SLC16A10: variants seen among roughly 807,000 people sequenced by gnomAD.
The protein encoded by SLC16A10 is monocarboxylate transporter 10.
SLC16A10 carries 27 observed loss-of-function variants against 40.0 expected under a neutral mutation model. The ratio of observed to expected loss-of-function variants is 0.67; its 90% CI spans 0.50 to 0.93. The LOEUF (loss-of-function observed/expected upper bound fraction) is 0.93, where lower values mean the gene tolerates loss of function less well. SLC16A10 is among the 40% of genes least tolerant of loss of function. The probability of loss-of-function intolerance (pLI) is 0.00; values close to 1 mark genes in which losing one functional copy is unlikely to be tolerated. For missense variants in SLC16A10, 529 were observed against 658.2 expected, an observed-to-expected ratio of 0.80 and a Z score of 2.15; for synonymous variants, 213 against 249.8, an observed-to-expected ratio of 0.85 and a Z score of 1.39.
chr6:111,137,806 A>G (rs1198755510), intron 1 of SLC16A10, among the ~76,000 whole-genome samples: 4 of 152,220 alleles, frequency 2.6e-5, no homozygotes, highest in Non-Finnish European at 5.9e-5. Context: ...CCTAGCTGGG[A>G]AGGTGACTGC....
At position 111,111,385 on chromosome 6, in the gene SLC16A10, T is replaced by C. The variant is rs112753667; in HGVS notation, c.343+23290T>C. Among the ~76,000 whole-genome samples the C allele has an allele frequency of 2.5e-3, 386 of 152,298 alleles. 3 individuals carry two copies. The highest frequency in any genetic ancestry group is 8.8e-3 in the African/African-American group (364 of 41,578). Reference sequence around the variant, plus strand: ...CCTCACACAGTTATCATTTTTGTGGTGAGAACATTTTAACATCCACTCTCT... The same window carrying C: ...CCTCACACAGTTATCATTTTTGTGGCGAGAACATTTTAACATCCACTCTCT... On this transcript the variant is annotated intron_variant, in intron 1 of 5. Transcript: ENST00000368851.
chr6:111,202,755 C>T (rs1249772246), intron 3 of SLC16A10, among the ~76,000 whole-genome samples: 4 of 151,326 alleles, frequency 2.6e-5, no homozygotes, highest in Non-Finnish European at 4.4e-5. Context: ...GGCGTGGTGG[C>T]GGGCACCTGT....
At chr6:111,163,374 G>T (rs1044977877) in intron 1 of SLC16A10, among the ~76,000 whole-genome samples, 1 of 151,438 alleles carries the variant, frequency 6.6e-6, no homozygotes, top group African/African-American at 2.4e-5. Context: ...GGATGGTCTC[G>T]ATCTCCTGAC....
intron 3 of SLC16A10, 52 bp from the exon 4 acceptor site, chr6:111,206,540 T>C (rs933156624): frequency 6.2e-7 from 1 of 1,605,432 alleles, no homozygotes. Flanking sequence ...GCCTCAAATT[T>C]GTCAAGTTTT....
intron 3 of SLC16A10, among the ~76,000 whole-genome samples, chr6:111,179,169 A>T (rs1490748195): frequency 6.6e-6 from 1 of 152,200 alleles, no homozygotes; most frequent in African/African-American, 2.4e-5. Flanking sequence ...GAACACACCT[A>T]GAGAAATCAT....
intron 1 of SLC16A10, among the ~76,000 whole-genome samples, chr6:111,110,193 G>A (rs73528980): frequency 0.012 from 1,848 of 152,170 alleles, 26 homozygotes; most frequent in African/African-American, 0.043. Context: ...CGCTTTCATC[G>A]GCCTGGATAT....
chr6:111,177,641 A>C lies in SLC16A10; in HGVS notation c.918A>C (p.Gly306=). ...TTGGAATACCACTTGCACTTTTTGG[A>C]TACTTTGTGCCTTATGTTCACTTGG... The part of the protein sequence containing the change: ...WAVGIPLALF[G]YFVPYVHLMK... The change falls in exon 3 of 6, where the codon GGA becomes GGC. Residue 306 remains glycine (G), a synonymous_variant. Transcript: ENST00000368851. 1 of 1,567,800 alleles carries C rather than the reference A, an allele frequency of 6.4e-7. No individual in the cohort carries two copies. Among genetic ancestry groups the C allele is most frequent in the South Asian group, 1.2e-5 (1 of 82,812 alleles).
intron 1 of SLC16A10, among the ~76,000 whole-genome samples, chr6:111,167,744 C>T (rs1269147238): frequency 6.6e-6 from 1 of 152,102 alleles, no homozygotes; most frequent in Non-Finnish European, 1.5e-5. Flanking sequence ...TCATAGCTTA[C>T]TGCAGCCTCA....
intron 1 of SLC16A10, among the ~76,000 whole-genome samples, chr6:111,101,916 T>C (rs931400024): frequency 3.9e-4 from 59 of 152,268 alleles, no homozygotes; most frequent in Non-Finnish European, 3.2e-4. Context: ...CCACTGGGCC[T>C]GGCAGAATTA....
At chr6:111,123,379 C>G (rs531585654) in intron 1 of SLC16A10, among the ~76,000 whole-genome samples, 1 of 152,354 alleles carries the variant, frequency 6.6e-6, no homozygotes, top group Admixed American at 6.5e-5. Flanking sequence ...CTTTCAACCT[C>G]TCATTACTTA....
chr6:111,182,010 T>C (rs1772801755), intron 3 of SLC16A10, among the ~76,000 whole-genome samples: 1 of 152,090 alleles, frequency 6.6e-6, no homozygotes, highest in South Asian at 2.1e-4. Context: ...TGTTTTCGTT[T>C]TTTTTTGAGA....
At chr6:111,150,417 A>C (rs1004317589) in intron 1 of SLC16A10, among the ~76,000 whole-genome samples, 18 of 152,214 alleles carry the variant, frequency 1.2e-4, no homozygotes, top group Non-Finnish European at 1.5e-4. Flanking sequence ...TATATGAAGC[A>C]TCTAGACTGT....
At chr6:111,216,001 A>G (rs1362380515) in intron 4 of SLC16A10, among the ~76,000 whole-genome samples, 1 of 152,246 alleles carries the variant, frequency 6.6e-6, no homozygotes, top group Non-Finnish European at 1.5e-5. Flanking sequence ...TTTCAAAAAT[A>G]AAAAATTGGG....
At chr6:111,159,294 C>A (rs1022528791) in intron 1 of SLC16A10, among the ~76,000 whole-genome samples, 6 of 151,810 alleles carry the variant, frequency 4.0e-5, no homozygotes, top group African/African-American at 1.5e-4. Flanking sequence ...TTTATTTTAC[C>A]GCTGATGGGC....
intron 1 of SLC16A10, among the ~76,000 whole-genome samples, chr6:111,147,013 A>G (rs1772091162): frequency 6.6e-6 from 1 of 152,194 alleles, no homozygotes; most frequent in Non-Finnish European, 1.5e-5. Flanking sequence ...TTCCATAAAG[A>G]CAGAAAGTAG....
At chr6:111,200,509 C>T (rs1488217717) in intron 3 of SLC16A10, among the ~76,000 whole-genome samples, 1 of 152,188 alleles carries the variant, frequency 6.6e-6, no homozygotes, top group Non-Finnish European at 1.5e-5. Context: ...GCAAAACTTC[C>T]TAAGGGAGTG....
intron 1 of SLC16A10, among the ~76,000 whole-genome samples, chr6:111,115,236 T>A (rs1036843855): frequency 1.3e-5 from 2 of 152,146 alleles, no homozygotes; most frequent in African/African-American, 4.8e-5. Context: ...TTGTTTTTTT[T>A]AGATGAAGTC....
rs557755212 is a variant in SLC16A10, at chr6:111,094,921, G to A, written c.343+6826G>A. ...TTCCCAAAGTGTTGGGACTACAGGC[G>A]GGACCTACTGTGCCTGGCCACCTTC... On this transcript the variant is annotated intron_variant, in intron 1 of 5. Transcript: ENST00000368851. Among the ~76,000 whole-genome samples, 4 of 152,176 alleles carry A rather than the reference G, an allele frequency of 2.6e-5. No homozygotes were observed. The South Asian group carries it at 6.2e-4, about 24-fold the overall frequency.
intron 1 of SLC16A10, among the ~76,000 whole-genome samples, chr6:111,159,788 C>T (rs1389523324): frequency 3.3e-5 from 5 of 152,252 alleles, no homozygotes; most frequent in African/African-American, 1.2e-4. Flanking sequence ...GTTCTTGTTG[C>T]TCTACATCCT....
Sources: allele counts gnomAD v4.1 joint callset (sites outside exome capture counted in the v4.1 genomes callset), GRCh38; gene constraint gnomAD v4.1.1; transcripts MANE v1.5; gene names NCBI Gene and HGNC (gene_info 2026-07-23, HGNC 2026-07-21).